MSR1: variants seen among roughly 807,000 people sequenced by gnomAD.
The protein encoded by MSR1 is macrophage scavenger receptor types I and II.
Under a neutral mutation model 47.2 loss-of-function variants are expected in MSR1, and 53 were observed. That is an observed-to-expected ratio of 1.12 (90% CI 0.90 to 1.41). MSR1 has a LOEUF of 1.41. Ranked by LOEUF, MSR1 falls within the 40% of genes most tolerant of loss-of-function variation. The pLI, the probability that MSR1 is intolerant of heterozygous loss-of-function variation, is 0.00. For synonymous variants in MSR1, 239 were observed against 185.6 expected (o/e 1.29, Z -2.34); for missense variants, 786 against 546.9 (o/e 1.44, Z -4.36).
chr8:16,115,738 G>A (rs1208064195), intron 9 of MSR1, among the ~76,000 whole-genome samples: 2 of 152,096 alleles, frequency 1.3e-5, no homozygotes, highest in Non-Finnish European at 2.9e-5. Context: ...AGTACTTTGG[G>A]AGGCTGAGGC....
chr8:16,129,761 A>G (rs1403905335), intron 8 of MSR1, among the ~76,000 whole-genome samples: 3 of 92,398 alleles, frequency 3.2e-5, no homozygotes, highest in Middle Eastern at 5.8e-3. Context: ...CACGCCCTAA[A>G]AAAGATTTAC....
rs1027641011 is a variant in MSR1 at position 16,187,690 on chromosome 8, A to G, written c.-5+4908T>C. 2.1e-4 allele frequency among the ~76,000 whole-genome samples: 32 copies of G among 152,204 alleles called. 1 individual carries two copies. Among genetic ancestry groups the G allele is most frequent in the Admixed American group, 1.8e-3 (28 of 15,272 alleles). ...GAAAGGCAAGATATTTTTCAAGATGACTGGATTTTATATCTTAGGTTATGC... is the reference window on the plus strand; with the variant it reads ...GAAAGGCAAGATATTTTTCAAGATGGCTGGATTTTATATCTTAGGTTATGC... On this transcript the variant is annotated intron_variant, in intron 1 of 9. Transcript: ENST00000262101.
intron 8 of MSR1, among the ~76,000 whole-genome samples, chr8:16,121,580 G>C (rs1025014760): frequency 1.3e-5 from 2 of 151,644 alleles, no homozygotes; most frequent in African/African-American, 2.4e-5. Flanking sequence ...AAATTATTTG[G>C]CTAAAGAACA....
At chr8:16,157,181 G>A (rs548093031) in intron 5 of MSR1, among the ~76,000 whole-genome samples, 4 of 151,818 alleles carry the variant, frequency 2.6e-5, no homozygotes, top group Non-Finnish European at 5.9e-5. Flanking sequence ...AAGAAACAAG[G>A]GACACAGAGA....
chr8:16,139,371 C>G, intron 8 of MSR1: 2 of 936,328 alleles, frequency 2.1e-6, no homozygotes. Context: ...CACACAATAT[C>G]TTACTTGATC....
intron 1 of MSR1, among the ~76,000 whole-genome samples, chr8:16,180,643 C>G (rs958472039): frequency 6.6e-6 from 1 of 152,140 alleles, no homozygotes; most frequent in Non-Finnish European, 1.5e-5. Flanking sequence ...ATCTTTAGGA[C>G]AGCAAAGTCA....
intron 5 of MSR1, among the ~76,000 whole-genome samples, chr8:16,162,537 A>T (rs1046566593): frequency 2.6e-5 from 4 of 152,014 alleles, no homozygotes; most frequent in Non-Finnish European, 5.9e-5. Flanking sequence ...TGCAGGGTTA[A>T]ATAATTTACC....
rs79283670 is a variant in MSR1, at chr8:16,185,048, C to T, written c.-4-7056G>A. Among the ~76,000 whole-genome samples the T allele has an allele frequency of 6.4e-4, 98 of 152,040 alleles. No individual in the cohort carries two copies. In the East Asian group the frequency reaches 0.017, roughly 26 times the overall value. ...TGCAATGAGGAATGAACAATATTCCCTATGGCTACATTTGTGCACCATGGG... is the reference window on the plus strand; with the variant it reads ...TGCAATGAGGAATGAACAATATTCCTTATGGCTACATTTGTGCACCATGGG... On this transcript the variant is annotated intron_variant, in intron 1 of 9. Coordinates refer to ENST00000262101, the MANE Select transcript of MSR1 (RefSeq NM_138715.3).
intron 4 of MSR1, among the ~76,000 whole-genome samples, chr8:16,167,401 C>T (rs1056288875): frequency 1.2e-4 from 18 of 151,958 alleles, no homozygotes; most frequent in African/African-American, 2.7e-4. Flanking sequence ...AGAAATTAGC[C>T]GGGTGAGGTA....
At chr8:16,160,755 C>A (rs1801137942) in intron 5 of MSR1, among the ~76,000 whole-genome samples, 1 of 151,924 alleles carries the variant, frequency 6.6e-6, no homozygotes, top group Admixed American at 6.6e-5. Context: ...TTATGGACAG[C>A]ATGAAATGAA....
At chr8:16,183,333 C>G (rs1158307305) in intron 1 of MSR1, among the ~76,000 whole-genome samples, 1 of 151,798 alleles carries the variant, frequency 6.6e-6, no homozygotes, top group Non-Finnish European at 1.5e-5. Context: ...TCTTTACACT[C>G]TGAACTCTGA....
At chr8:16,113,314 A>T (rs963921831) in intron 9 of MSR1, among the ~76,000 whole-genome samples, 1 of 152,128 alleles carries the variant, frequency 6.6e-6, no homozygotes, top group African/African-American at 2.4e-5. Context: ...GGTATCTTTA[A>T]TCTTACCAGC....
Position 16,168,866 on chromosome 8 carries a change from T to G in MSR1, c.222A>C (p.Gln74His). The G allele has an allele frequency of 6.2e-7, 1 of 1,612,316 alleles. No homozygotes were observed. Among genetic ancestry groups the G allele is most frequent in the Non-Finnish European group, 8.5e-7 (1 of 1,179,928 alleles). ...AATTCTTCGTTTCCCACTTCAGGAGTTGAGCTGTATATTTAAGTAAAAATA... is the reference window on the plus strand; with the variant it reads ...AATTCTTCGTTTCCCACTTCAGGAGGTGAGCTGTATATTTAAGTAAAAATA... ...LIPLIGIVAA[Q>H]LLKWETKNCS... The change falls in exon 4 of 10, where the codon CAA (glutamine) becomes CAC (histidine). Residue 74 changes from glutamine to histidine, a missense_variant. Transcript: ENST00000262101.
rs1799709334 is a variant in MSR1, at chr8:16,109,541, A to T, written c.*544T>A. 1 of 160,006 alleles carries T rather than the reference A, an allele frequency of 6.2e-6. No individual in the cohort carries two copies. Among genetic ancestry groups the T allele is most frequent in the Non-Finnish European group, 1.4e-5 (1 of 72,482 alleles). 9.9% of individuals were successfully genotyped at this position (160,006 alleles called of 1,614,324 possible). Reference sequence around the variant, plus strand: ...CCATAGTGGCCAAGACATATCATTAACATTGATATCTAATACACAAGTTAT... The same window carrying T: ...CCATAGTGGCCAAGACATATCATTATCATTGATATCTAATACACAAGTTAT... On this transcript the variant is annotated 3_prime_UTR_variant, in exon 10 of 10. Coordinates refer to ENST00000262101, the MANE Select transcript of MSR1 (RefSeq NM_138715.3).
At chr8:16,143,977 C>A (rs540997063) in intron 7 of MSR1, among the ~76,000 whole-genome samples, 2 of 152,172 alleles carry the variant, frequency 1.3e-5, no homozygotes, top group South Asian at 2.1e-4. Context: ...TCCCACATCC[C>A]GTTCTTATAT....
chr8:16,147,394 G>A (rs546154303), intron 7 of MSR1, among the ~76,000 whole-genome samples: 2 of 152,220 alleles, frequency 1.3e-5, no homozygotes, highest in East Asian at 1.9e-4. Flanking sequence ...AGAAGAAAAG[G>A]AGTGTGGGAG....
intron 4 of MSR1, 79 bp downstream of exon 4, chr8:16,168,379 C>G: frequency 6.7e-7 from 1 of 1,492,930 alleles, no homozygotes; most frequent in East Asian, 2.3e-5. Flanking sequence ...GCAACTTTTG[C>G]TTTCCTGTAC....
chr8:16,147,708 A>C (rs1800738734), intron 7 of MSR1, among the ~76,000 whole-genome samples: 1 of 152,136 alleles, frequency 6.6e-6, no homozygotes, highest in Non-Finnish European at 1.5e-5. Context: ...TTTAGTCTGC[A>C]GTACAACTAG....
chr8:16,119,410 G>C (rs1386759004), intron 9 of MSR1, among the ~76,000 whole-genome samples: 2 of 152,006 alleles, frequency 1.3e-5, no homozygotes, highest in African/African-American at 4.8e-5. Flanking sequence ...ATTTTTAGTA[G>C]AGATGGGGTT....
Sources: allele counts gnomAD v4.1 joint callset (sites outside exome capture counted in the v4.1 genomes callset), GRCh38; gene constraint gnomAD v4.1.1; transcripts MANE v1.5; gene names NCBI Gene and HGNC (gene_info 2026-07-23, HGNC 2026-07-21).